Variants in RANBP2 observed in about 807,000 individuals in gnomAD.
RANBP2 encodes E3 SUMO-protein ligase RanBP2.
A neutral mutation model predicts 303.6 loss-of-function variants in RANBP2; 57 were observed. The observed-to-expected ratio is 0.19, with a 90% CI of 0.15 to 0.23. RANBP2 has a LOEUF of 0.23. Ranked by LOEUF, RANBP2 falls within the 10% of genes least tolerant of loss-of-function variation. RANBP2 has a pLI of 1.00. For missense variants in RANBP2, 3,138 were observed against 3,780.8 expected (o/e 0.83, Z 4.46); for synonymous variants, 1,167 against 1,301.5 (o/e 0.90, Z 2.23).
the RANBP2 span, among the ~76,000 whole-genome samples, chr2:109,371,329 G>T: frequency 6.6e-6 from 1 of 152,260 alleles, no homozygotes; most frequent in East Asian, 1.9e-4. Context: ...GGCGGAGGCT[G>T]CAGTGAGCGG....
the RANBP2 span, among the ~76,000 whole-genome samples, chr2:108,977,067 A>C: frequency 1.3e-5 from 2 of 152,150 alleles, no homozygotes; most frequent in Non-Finnish European, 2.9e-5. Flanking sequence ...TCATTTAGAA[A>C]GACACCTGTG....
At chr2:108,913,509 C>G in the RANBP2 span, among the ~76,000 whole-genome samples, 1 of 151,958 alleles carries the variant, frequency 6.6e-6, no homozygotes, top group Non-Finnish European at 1.5e-5. Context: ...TATATGCTCA[C>G]TATTAAAAAT....
At chr2:109,048,001 C>T in the RANBP2 span, among the ~76,000 whole-genome samples, 2 of 152,196 alleles carry the variant, frequency 1.3e-5, no homozygotes, top group African/African-American at 4.8e-5. Flanking sequence ...GGAGACAAAG[C>T]TAAATGTACT....
the RANBP2 span, among the ~76,000 whole-genome samples, chr2:109,709,250 G>A: frequency 6.6e-6 from 1 of 150,570 alleles, no homozygotes; most frequent in African/African-American, 2.4e-5. Flanking sequence ...AGGTTGCAGT[G>A]GGCTGAGATC....
chr2:108,795,993 GA>G, the RANBP2 span, among the ~76,000 whole-genome samples: 1 of 151,950 alleles, frequency 6.6e-6, no homozygotes, highest in African/African-American at 2.4e-5. Flanking sequence ...TGTTTAATAA[GA>G]AAAAAATGAA....
the RANBP2 span, among the ~76,000 whole-genome samples, chr2:109,764,293 T>G: frequency 2.7e-5 from 4 of 147,336 alleles, no homozygotes; most frequent in Admixed American, 7.1e-5. Flanking sequence ...GCAGCAGATA[T>G]GCAGAGGCGC....
chr2:109,454,511 C>G, the RANBP2 span, among the ~76,000 whole-genome samples: 1 of 152,224 alleles, frequency 6.6e-6, no homozygotes, highest in Non-Finnish European at 1.5e-5. Flanking sequence ...CAAGTCCACA[C>G]GGTGAGAGCG....
chr2:109,335,719 C>G, the RANBP2 span, among the ~76,000 whole-genome samples: 3 of 152,322 alleles, frequency 2.0e-5, no homozygotes, highest in African/African-American at 7.2e-5. Context: ...CTCCCAAACC[C>G]CACGCCAGAA....
the RANBP2 span, among the ~76,000 whole-genome samples, chr2:109,538,043 G>T: frequency 6.6e-6 from 1 of 152,110 alleles, no homozygotes; most frequent in Non-Finnish European, 1.5e-5. Flanking sequence ...CGCCTCACTG[G>T]GCTAAAGTCC....
At chr2:109,073,189 A>G in the RANBP2 span, among the ~76,000 whole-genome samples, 1 of 152,194 alleles carries the variant, frequency 6.6e-6, no homozygotes, top group Non-Finnish European at 1.5e-5. Context: ...TAAAGTGAGA[A>G]TTTCAACCAA....
At chr2:109,687,454 GAGAATGGGCTCT>G in the RANBP2 span, among the ~76,000 whole-genome samples, 10 of 152,066 alleles carry the variant, frequency 6.6e-5, no homozygotes, top group East Asian at 3.9e-4. Context: ...TCTCTTCTTG[GAGAATGGGCTCT>G]AGAATGGGCT....
the RANBP2 span, among the ~76,000 whole-genome samples, chr2:109,147,209 T>C: frequency 6.6e-6 from 1 of 152,140 alleles, no homozygotes; most frequent in Non-Finnish European, 1.5e-5. Flanking sequence ...ATGCCTGGAC[T>C]TTCTTGGAAT....
the RANBP2 span, among the ~76,000 whole-genome samples, chr2:109,406,133 C>T: frequency 8.5e-5 from 13 of 152,248 alleles, no homozygotes; most frequent in South Asian, 2.3e-3. Flanking sequence ...TCTTCCTCTG[C>T]GACTGGGAGA....
At chr2:109,114,877 C>T in the RANBP2 span, among the ~76,000 whole-genome samples, 3 of 152,184 alleles carry the variant, frequency 2.0e-5, no homozygotes, top group African/African-American at 7.2e-5. Flanking sequence ...TTTCTGCCTT[C>T]ATTTCGTTAT....
chr2:108,965,513 G>A, the RANBP2 span, among the ~76,000 whole-genome samples: 1 of 151,864 alleles, frequency 6.6e-6, no homozygotes, highest in Admixed American at 6.6e-5. Context: ...CCAGATACAG[G>A]TCTTTTGGGG....
the RANBP2 span, among the ~76,000 whole-genome samples, chr2:108,905,791 C>G: frequency 6.6e-6 from 1 of 152,292 alleles, no homozygotes; most frequent in East Asian, 1.9e-4. Context: ...CCTGTTGCCT[C>G]TTAACCTGCC....
At chr2:109,337,419 C>T in the RANBP2 span, among the ~76,000 whole-genome samples, 7 of 152,338 alleles carry the variant, frequency 4.6e-5, no homozygotes, top group South Asian at 2.1e-4. Flanking sequence ...GTGTCCTTAG[C>T]GCCTTGCACT....
the RANBP2 span, among the ~76,000 whole-genome samples, chr2:109,708,548 TTGGGAGGCTGAAGGTTGCAGTGAGCC>T: frequency 6.6e-6 from 1 of 151,998 alleles, no homozygotes; most frequent in Non-Finnish European, 1.5e-5. Flanking sequence ...TTCCAGCTAC[TTGGGAGGCTGAAGGTTGCAGTGAGCC>T]TGGGAGGCAA....
the RANBP2 span, among the ~76,000 whole-genome samples, chr2:109,461,463 G>A: frequency 0.041 from 4,331 of 106,442 alleles, 40 homozygotes; most frequent in African/African-American, 0.17. Flanking sequence ...CCACCTGCCA[G>A]AGGCCCCACG....
Sources: allele counts gnomAD v4.1 joint callset (sites outside exome capture counted in the v4.1 genomes callset), GRCh38; gene constraint gnomAD v4.1.1; transcripts MANE v1.5; gene names NCBI Gene and HGNC (gene_info 2026-07-23, HGNC 2026-07-21).